Variants in SLC7A5 observed in about 807,000 individuals in gnomAD.
SLC7A5 encodes the protein large neutral amino acids transporter small subunit 1.
In SLC7A5, 23 loss-of-function variants were observed where a neutral mutation model predicts 50.2. That is an observed-to-expected ratio of 0.46 (90% CI 0.33 to 0.65). The LOEUF (loss-of-function observed/expected upper bound fraction) is 0.65. SLC7A5 is among the 30% of genes least tolerant of loss of function. The probability of loss-of-function intolerance (pLI) is 0.02; values close to 1 mark genes in which losing one functional copy is unlikely to be tolerated. For missense variants in SLC7A5, 578 were observed against 684.4 expected (o/e 0.84, Z 1.73); for synonymous variants, 393 against 330.6 (o/e 1.19, Z -2.05).
intron 2 of SLC7A5, among the ~76,000 whole-genome samples, chr16:87,849,449 A>G (rs1241655474): frequency 6.6e-6 from 1 of 152,188 alleles, no homozygotes; most frequent in Admixed American, 6.5e-5. Flanking sequence ...TTATAAACCT[A>G]TTATGTATTC....
chr16:87,857,323 A>C (rs1452380213), intron 1 of SLC7A5, among the ~76,000 whole-genome samples: 1 of 152,082 alleles, frequency 6.6e-6, no homozygotes, highest in East Asian at 1.9e-4. Context: ...CCTGAGTTCA[A>C]GCCATTCTCT....
intron 4 of SLC7A5, 31 bp from the exon 5 acceptor site, chr16:87,839,856 A>T (rs375055501): frequency 6.2e-7 from 1 of 1,612,756 alleles, no homozygotes. Context: ...ATGTCACCCA[A>T]CGCAGCCCGG....
intron 2 of SLC7A5, among the ~76,000 whole-genome samples, chr16:87,844,587 C>G (rs1344587517): frequency 6.6e-6 from 1 of 152,250 alleles, no homozygotes; most frequent in Non-Finnish European, 1.5e-5. Context: ...CCTCTGGCTC[C>G]TGACTCAGAG....
At chr16:87,847,787 CTCTGAG>C (rs2055172648) in intron 2 of SLC7A5, among the ~76,000 whole-genome samples, 1 of 152,168 alleles carries the variant, frequency 6.6e-6, no homozygotes, top group African/African-American at 2.4e-5. Context: ...CACCCCACTT[CTCTGAG>C]TCTAAGGGGC....
rs1378450977 is a variant in SLC7A5 at position 87,860,357 on chromosome 16, C to T, written c.539-8508G>A. Among the ~76,000 whole-genome samples the T allele has an allele frequency of 3.6e-3, 374 of 104,066 alleles. 11 individuals carry two copies. The highest frequency in any genetic ancestry group is 0.01 in the African/African-American group (286 of 27,796). The allele number at this position is 104,066 out of a possible 152,430, so 68.3% of individuals were successfully genotyped here. A position where few individuals can be genotyped will look rare whatever the true frequency, so the allele number is the denominator to read the frequency against. On this transcript the variant is annotated intron_variant, in intron 1 of 9. Transcript: ENST00000261622. The surrounding 1 kb of genome is among the most constrained non-coding windows in gnomAD (Gnocchi z 4.8). ...AAAAAAAAATACACACACACACACA[C>T]ACACACACACACACACACACACACA...
intron 2 of SLC7A5, among the ~76,000 whole-genome samples, chr16:87,844,331 G>C (rs1435008704): frequency 3.3e-5 from 5 of 152,246 alleles, no homozygotes; most frequent in African/African-American, 1.2e-4. Flanking sequence ...ATTCCCCCGA[G>C]AGCGGGGTAA....
intron 2 of SLC7A5, among the ~76,000 whole-genome samples, chr16:87,843,134 C>T (rs2080972366): frequency 6.6e-6 from 1 of 152,058 alleles, no homozygotes; most frequent in South Asian, 2.1e-4. Context: ...TGACCACCCC[C>T]GGACTCAGCC....
At position 87,862,931 on chromosome 16, in the gene SLC7A5, C is replaced by T. The variant is rs1425837187; in HGVS notation, c.538+5954G>A. 6.6e-6 allele frequency among the ~76,000 whole-genome samples: 1 copy of T among 152,328 alleles called. No individual in the cohort carries two copies. The highest frequency in any genetic ancestry group is 2.1e-4 in the South Asian group (1 of 4,830). On this transcript the variant is annotated intron_variant, in intron 1 of 9. Transcript: ENST00000261622. The surrounding 1 kb of genome is among the most constrained non-coding windows in gnomAD (Gnocchi z 5.3). ...AGCCACCTCACTCCAGGGACCCTGG[C>T]ACCGTCTCCCATGAGGCCAGGTGTC...
intron 2 of SLC7A5, among the ~76,000 whole-genome samples, chr16:87,848,497 C>T (rs1489087587): frequency 1.3e-5 from 2 of 152,232 alleles, no homozygotes; most frequent in East Asian, 1.9e-4. Context: ...GTCTCCCTTT[C>T]GAAAAGGCTG....
In SLC7A5 at chr16:87,861,876, C is replaced by G. The variant is rs1370506252; in HGVS notation, c.538+7009G>C. Among the ~76,000 whole-genome samples, 1 of 152,260 alleles carries G rather than the reference C, an allele frequency of 6.6e-6. No individual in the cohort carries two copies. Among genetic ancestry groups the G allele is most frequent in the East Asian group, 1.9e-4 (1 of 5,206 alleles). ...CCCGAATCCCGTGATGCAGCGTGACCTGCCTAGGTGCCGGCGGCACTTTCA... is the reference window on the plus strand; with the variant it reads ...CCCGAATCCCGTGATGCAGCGTGACGTGCCTAGGTGCCGGCGGCACTTTCA... On this transcript the variant is annotated intron_variant, in intron 1 of 9. Transcript: ENST00000261622. The surrounding 1 kb of genome is among the most constrained non-coding windows in gnomAD (Gnocchi z 4.2).
At chr16:87,857,131 T>G (rs2055331618) in intron 1 of SLC7A5, among the ~76,000 whole-genome samples, 1 of 152,202 alleles carries the variant, frequency 6.6e-6, no homozygotes, top group Non-Finnish European at 1.5e-5. Flanking sequence ...CCTGCCTCCC[T>G]GCCACTGCTG....
In SLC7A5 at chr16:87,830,877, G is replaced by T. The variant is rs74039959; in HGVS notation, c.*2093C>A. On this transcript the variant is annotated 3_prime_UTR_variant, in exon 10 of 10. Coordinates refer to ENST00000261622, the MANE Select transcript of SLC7A5 (RefSeq NM_003486.7). ...CCTTGAGGCATGTCCACGTCCCAGAGCAGGAGGTTGGAACAGAACGGCATC... is the reference window on the plus strand; with the variant it reads ...CCTTGAGGCATGTCCACGTCCCAGATCAGGAGGTTGGAACAGAACGGCATC... The T allele has an allele frequency of 6.6e-6, 1 of 152,400 alleles. No homozygotes were observed. The highest frequency in any genetic ancestry group is 1.9e-4 in the East Asian group (1 of 5,192). 9.4% of individuals were successfully genotyped at this position (152,400 alleles called of 1,614,324 possible). A position where few individuals can be genotyped will look rare whatever the true frequency, so the allele number is the denominator to read the frequency against.
chr16:87,847,360 G>T (rs1414421806), intron 2 of SLC7A5, among the ~76,000 whole-genome samples: 1 of 152,184 alleles, frequency 6.6e-6, no homozygotes, highest in Non-Finnish European at 1.5e-5. Flanking sequence ...ACAGGAAGAG[G>T]AGACCAAGAC....
intron 1 of SLC7A5, among the ~76,000 whole-genome samples, chr16:87,865,954 G>A (rs1042970948): frequency 6.6e-6 from 1 of 152,212 alleles, no homozygotes; most frequent in Non-Finnish European, 1.5e-5. Context: ...CCAGGAAGCA[G>A]AGGTTGCAGT....
In SLC7A5 at chr16:87,841,390, G is replaced by A. The variant is rs2055081602; in HGVS notation, c.665-235C>T. The stretch of plus-strand genomic sequence containing the variant: ...CCCTGTGCCCACCTGAGAGGGCACA[G>A]GCAGTTCTGACCACTGCCCAGGAGG... On this transcript the variant is annotated intron_variant, in intron 2 of 9. Transcript: ENST00000261622. The surrounding 1 kb of genome is among the most constrained non-coding windows in gnomAD (Gnocchi z 4.8). 6.6e-6 allele frequency among the ~76,000 whole-genome samples: 1 copy of A among 152,230 alleles called. No homozygotes were observed. Among genetic ancestry groups the A allele is most frequent in the Non-Finnish European group, 1.5e-5 (1 of 68,032 alleles).
Position 87,859,625 on chromosome 16 carries a change from A to C in SLC7A5, c.539-7776T>G, listed in dbSNP as rs143815666. Among the ~76,000 whole-genome samples the C allele has an allele frequency of 3.6e-3, 555 of 152,300 alleles. 2 individuals carry two copies. Among genetic ancestry groups the C allele is most frequent in the Non-Finnish European group, 6.6e-3 (452 of 68,020 alleles). ...CCCCCTCCCTCTGGAATTCAGGTAC[A>C]GCGGACCAGCACTAACACTCAAACA... On this transcript the variant is annotated intron_variant, in intron 1 of 9. Coordinates refer to ENST00000261622, the MANE Select transcript of SLC7A5 (RefSeq NM_003486.7).
At chr16:87,846,449 T>C (rs181389648) in intron 2 of SLC7A5, among the ~76,000 whole-genome samples, 76 of 152,258 alleles carry the variant, frequency 5.0e-4, no homozygotes, top group Admixed American at 2.3e-3. Flanking sequence ...CTCCATCCTG[T>C]CCCCCAAAAC....
chr16:87,867,022 C>A (rs1177523697), intron 1 of SLC7A5, among the ~76,000 whole-genome samples: 1 of 151,880 alleles, frequency 6.6e-6, no homozygotes, highest in African/African-American at 2.4e-5. Context: ...ACCTCCACAT[C>A]CCGGAGCATG....
In SLC7A5 at chr16:87,865,447, G is replaced by C. The variant is rs566881454; in HGVS notation, c.538+3438C>G. Among the ~76,000 whole-genome samples, 164 of 152,332 alleles carry C rather than the reference G, an allele frequency of 1.1e-3. 1 individual carries two copies. Among genetic ancestry groups the C allele is most frequent in the African/African-American group, 3.6e-3 (150 of 41,582 alleles). On this transcript the variant is annotated intron_variant, in intron 1 of 9. Transcript: ENST00000261622. Reference sequence around the variant, plus strand: ...TTTTAGGCCAGGTGTGGTGGCTCAAGCCTGTAATCCCAGCACTTTGGGAGG... The same window carrying C: ...TTTTAGGCCAGGTGTGGTGGCTCAACCCTGTAATCCCAGCACTTTGGGAGG...
Sources: allele counts gnomAD v4.1 joint callset (sites outside exome capture counted in the v4.1 genomes callset), GRCh38; gene constraint gnomAD v4.1.1; non-coding constraint Gnocchi (gnomAD v3.1); transcripts MANE v1.5; gene names NCBI Gene and HGNC (gene_info 2026-07-23, HGNC 2026-07-21).